Variants in INPP4B observed in about 807,000 individuals in gnomAD.
The protein encoded by INPP4B is inositol polyphosphate 4-phosphatase type II.
INPP4B carries 55 observed loss-of-function variants against 122.5 expected under a neutral mutation model. That is an observed-to-expected ratio of 0.45 (90% CI 0.36 to 0.56). The LOEUF (loss-of-function observed/expected upper bound fraction) is 0.56, where lower values mean the gene tolerates loss of function less well. INPP4B is among the 20% of genes least tolerant of loss of function. The pLI is 0.00. For synonymous variants in INPP4B, 403 were observed against 388.7 expected, an observed-to-expected ratio of 1.04 and a Z score of -0.43; for missense variants, 1,000 against 1,097.7, an observed-to-expected ratio of 0.91 and a Z score of 1.26.
At chr4:142,441,938 T>A (rs1291089746) in intron 3 of INPP4B, among the ~76,000 whole-genome samples, 2 of 149,382 alleles carry the variant, frequency 1.3e-5, no homozygotes, top group Non-Finnish European at 3.0e-5. Context: ...CAAGGCAAAA[T>A]CCAGGTGGTA....
chr4:142,030,087 A>G, intron 25 of INPP4B: 5 of 1,477,064 alleles, frequency 3.4e-6, no homozygotes, highest in Non-Finnish European at 4.5e-6. Context: ...TTTAAAGTTC[A>G]TTGTCATTTG....
At chr4:142,649,290 T>C (rs1752443675) in intron 2 of INPP4B, among the ~76,000 whole-genome samples, 3 of 152,096 alleles carry the variant, frequency 2.0e-5, no homozygotes, top group Admixed American at 6.5e-5. Context: ...AGCTGAAAAT[T>C]CTAAAAACCA....
At chr4:142,583,772 TAA>T (rs1012881753) in intron 2 of INPP4B, 2 of 152,196 alleles carry the variant, frequency 1.3e-5, no homozygotes, top group Non-Finnish European at 2.9e-5. Flanking sequence ...ACTTGGCTTA[TAA>T]AGTAACTTTC....
At chr4:142,473,202 C>T (rs777342868) in intron 2 of INPP4B, 8 of 152,136 alleles carry the variant, frequency 5.3e-5, no homozygotes, top group Non-Finnish European at 1.0e-4. Context: ...GACTAGAAGC[C>T]GCTAACAAGT....
At chr4:142,163,555 C>G (rs921564064) in intron 16 of INPP4B, among the ~76,000 whole-genome samples, 8 of 151,862 alleles carry the variant, frequency 5.3e-5, no homozygotes, top group Non-Finnish European at 1.2e-4. Context: ...TTGAGAGAGA[C>G]CACATTTACA....
chr4:142,667,460 G>A (rs1401647205), intron 2 of INPP4B, among the ~76,000 whole-genome samples: 1 of 152,124 alleles, frequency 6.6e-6, no homozygotes, highest in East Asian at 1.9e-4. Flanking sequence ...CTGCAACCTG[G>A]ACATTAGAGA....
intron 2 of INPP4B, among the ~76,000 whole-genome samples, chr4:142,671,652 C>T (rs1455296803): frequency 3.3e-5 from 5 of 152,104 alleles, no homozygotes; most frequent in Non-Finnish European, 7.4e-5. Flanking sequence ...GAAATTTGTG[C>T]ATATCGCCCT....
At chr4:142,806,827 G>GAAAGAAAGA (rs1234750978) in intron 1 of INPP4B, among the ~76,000 whole-genome samples, 1 of 146,730 alleles carries the variant, frequency 6.8e-6, no homozygotes, top group Non-Finnish European at 1.5e-5. Flanking sequence ...AAGAAAGAAA[G>GAAAGAAAGA]AAAGAAAGAA....
chr4:142,047,253 G>C (rs1006626607), intron 25 of INPP4B, among the ~76,000 whole-genome samples: 1 of 117,954 alleles, frequency 8.5e-6, no homozygotes, highest in African/African-American at 3.0e-5. Context: ...TATTCTAGGA[G>C]AGCCAAGAGA....
intron 16 of INPP4B, among the ~76,000 whole-genome samples, chr4:142,161,101 G>A (rs1461848740): frequency 6.6e-6 from 1 of 151,876 alleles, no homozygotes; most frequent in Non-Finnish European, 1.5e-5. Context: ...AAATGGCATA[G>A]GCAGACTTCT....
chr4:142,538,525 A>G (rs1488039882), intron 2 of INPP4B, among the ~76,000 whole-genome samples: 1 of 152,164 alleles, frequency 6.6e-6, no homozygotes, highest in Non-Finnish European at 1.5e-5. Context: ...CTAAATGCCA[A>G]TAACACTAGA....
chr4:142,393,761 A>G (rs1798465891), intron 7 of INPP4B, among the ~76,000 whole-genome samples: 1 of 152,204 alleles, frequency 6.6e-6, no homozygotes, highest in Non-Finnish European at 1.5e-5. Flanking sequence ...TGAGTGTTCA[A>G]ACTGTGGTCA....
At chr4:142,379,942 G>A (rs1793473756) in intron 7 of INPP4B, among the ~76,000 whole-genome samples, 1 of 152,226 alleles carries the variant, frequency 6.6e-6, no homozygotes, top group South Asian at 2.1e-4. Flanking sequence ...AGGTGCTGGA[G>A]GCCTAAGCCA....
chr4:142,312,722 G>A (rs1765991902), intron 8 of INPP4B, among the ~76,000 whole-genome samples: 1 of 152,094 alleles, frequency 6.6e-6, no homozygotes, highest in Admixed American at 6.5e-5. Flanking sequence ...GTTGTGGAAT[G>A]GGGGTGGGCA....
At chr4:142,608,873 A>T (rs757786952) in intron 2 of INPP4B, among the ~76,000 whole-genome samples, 1 of 152,082 alleles carries the variant, frequency 6.6e-6, no homozygotes, top group East Asian at 1.9e-4. Context: ...TTCTGTTCCC[A>T]TCATGCTTCC....
At chr4:142,726,958 CATTATTATTCCT>C (rs1254147356) in intron 1 of INPP4B, among the ~76,000 whole-genome samples, 19 of 152,090 alleles carry the variant, frequency 1.2e-4, no homozygotes, top group Admixed American at 1.2e-3. Flanking sequence ...ATAATATCAT[CATTATTATTCCT>C]ATTATTATCA....
At chr4:142,640,537 G>A (rs933457769) in intron 2 of INPP4B, among the ~76,000 whole-genome samples, 10 of 151,732 alleles carry the variant, frequency 6.6e-5, no homozygotes, top group Non-Finnish European at 1.0e-4. Flanking sequence ...ATAATATACA[G>A]GGATATAACA....
Position 142,193,187 on chromosome 4 carries a change from A to G in INPP4B, c.1081T>C (p.Tyr361His). The change falls in exon 15 of 26, where the codon TAC becomes CAC. Residue 361 changes from tyrosine (Y) to histidine (H), a missense_variant. By Grantham distance (83) the Tyr-to-His change is moderately conservative. Transcript: ENST00000262992. ...VHSPHLKDAL[Y>H]DVITVGAPAA... ...GGGGCTCCCACAGTGATGACATCGT[A>G]GAGAGCATCTGGAGTAGAAACAGAC... The G allele has an allele frequency of 1.2e-6, 2 of 1,603,278 alleles. No homozygotes were observed. The highest frequency in any genetic ancestry group is 1.7e-6 in the Non-Finnish European group (2 of 1,170,346).
At chr4:142,420,672 T>C (rs562058341) in intron 5 of INPP4B, among the ~76,000 whole-genome samples, 8 of 152,106 alleles carry the variant, frequency 5.3e-5, no homozygotes, top group Non-Finnish European at 1.2e-4. Flanking sequence ...CCTTTGGAAT[T>C]AAAATCCAGA....
Sources: gnomAD v4.1 joint callset for allele counts (sites outside exome capture counted in the v4.1 genomes callset) on GRCh38, gnomAD v4.1.1 for gene constraint, MANE v1.5 for transcripts, NCBI Gene and HGNC (gene_info 2026-07-23, HGNC 2026-07-21) for gene names.